Variants in DTWD2 observed in about 807,000 individuals in gnomAD.
DTWD2 encodes DTW motif tRNA-uridine aminocarboxypropyltransferase 2.
DTWD2 carries 39 observed loss-of-function variants against 31.8 expected under a neutral mutation model. That is an observed-to-expected ratio of 1.22 (90% confidence interval 0.95 to 1.60). The LOEUF is 1.60. DTWD2 is among the 40% of genes most tolerant of loss of function. DTWD2 has a pLI of 0.00. For synonymous variants in DTWD2, 180 were observed against 142.8 expected (o/e 1.26, Z -1.86); for missense variants, 515 against 381.5 (o/e 1.35, Z -2.92).
chr5:118,916,869 A>G (rs1753591207), intron 4 of DTWD2, among the ~76,000 whole-genome samples: 1 of 152,112 alleles, frequency 6.6e-6, no homozygotes, highest in South Asian at 2.1e-4. Context: ...TCGAGAGTCT[A>G]ATGTCACTAA....
chr5:118,937,396 A>C (rs966013868), intron 3 of DTWD2, among the ~76,000 whole-genome samples: 14 of 152,146 alleles, frequency 9.2e-5, no homozygotes, highest in African/African-American at 3.1e-4. Flanking sequence ...AAAAAAAAAA[A>C]AAACCATAAA....
At chr5:118,891,878 G>T (rs1013772283) in intron 4 of DTWD2, among the ~76,000 whole-genome samples, 1 of 151,910 alleles carries the variant, frequency 6.6e-6, no homozygotes, top group Non-Finnish European at 1.5e-5. Flanking sequence ...CAAACATCCA[G>T]AAAGAAAACC....
chr5:118,951,689 G>T (rs1157897751), intron 1 of DTWD2, among the ~76,000 whole-genome samples: 1 of 151,942 alleles, frequency 6.6e-6, no homozygotes, highest in Non-Finnish European at 1.5e-5. Context: ...GGCTAAGGGA[G>T]AAGAAGGAGG....
rs1263911726 is a variant in DTWD2 at position 118,906,725 on chromosome 5, G to C, written c.597+21812C>G. 2.0e-5 allele frequency among the ~76,000 whole-genome samples: 3 copies of C among 152,150 alleles called. 1 individual carries two copies. The highest frequency in any genetic ancestry group is 4.4e-5 in the Non-Finnish European group (3 of 68,020). ...AAGATTACCAAAGGGATAATCCCTT[G>C]ATAATCATTTAGGGAGCAACGGATA... On this transcript the variant is annotated intron_variant, in intron 4 of 5. Transcript: ENST00000510708.
intron 4 of DTWD2, among the ~76,000 whole-genome samples, chr5:118,854,622 A>C (rs1428379121): frequency 6.6e-6 from 1 of 152,098 alleles, no homozygotes. Context: ...TATTTGTCTA[A>C]TCACATACAC....
At chr5:118,901,036 T>A (rs952018245) in intron 4 of DTWD2, among the ~76,000 whole-genome samples, 1 of 151,786 alleles carries the variant, frequency 6.6e-6, no homozygotes, top group African/African-American at 2.4e-5. Context: ...CAAATATTTA[T>A]GTATTCACAT....
At chr5:118,973,668 T>C (rs1755050358) in intron 1 of DTWD2, 2 of 878,592 alleles carry the variant, frequency 2.3e-6, no homozygotes, top group Admixed American at 4.9e-5. Context: ...GCAGCCTCCT[T>C]GCTCGCCGCA....
chr5:118,850,793 C>G (rs1751982677), intron 4 of DTWD2, among the ~76,000 whole-genome samples: 1 of 152,120 alleles, frequency 6.6e-6, no homozygotes, highest in Admixed American at 6.6e-5. Flanking sequence ...TATCCAGAAT[C>G]TACAAGAAGC....
chr5:118,945,171 T>C (rs1160800097), intron 1 of DTWD2, among the ~76,000 whole-genome samples: 3 of 152,236 alleles, frequency 2.0e-5, no homozygotes, highest in Non-Finnish European at 2.9e-5. Flanking sequence ...AAATTATATT[T>C]GGCTAGAATT....
At chr5:118,856,344 T>C (rs1296828912) in intron 4 of DTWD2, among the ~76,000 whole-genome samples, 1 of 152,240 alleles carries the variant, frequency 6.6e-6, no homozygotes, top group African/African-American at 2.4e-5. Context: ...AGTGTATTTA[T>C]TTTATGTCTA....
chr5:118,877,967 C>T (rs527910724), intron 4 of DTWD2, among the ~76,000 whole-genome samples: 4 of 152,154 alleles, frequency 2.6e-5, no homozygotes, highest in Non-Finnish European at 5.9e-5. Context: ...AATAAAATAC[C>T]TAGGAATACA....
intron 1 of DTWD2, among the ~76,000 whole-genome samples, chr5:118,975,974 T>A (rs1477031385): frequency 6.6e-6 from 1 of 152,094 alleles, no homozygotes; most frequent in African/African-American, 2.4e-5. Flanking sequence ...TGCAAAAGAA[T>A]GGAAATCATA....
chr5:118,972,686 C>G (rs553670965), intron 1 of DTWD2, among the ~76,000 whole-genome samples: 1 of 152,078 alleles, frequency 6.6e-6, no homozygotes, highest in East Asian at 1.9e-4. Context: ...AAAAATTGCC[C>G]TCCAATATCC....
chr5:118,886,638 C>G (rs1206448609), intron 4 of DTWD2, among the ~76,000 whole-genome samples: 1 of 152,048 alleles, frequency 6.6e-6, no homozygotes, highest in Non-Finnish European at 1.5e-5. Flanking sequence ...ATTTAGGTGG[C>G]TAATGGAGAG....
At chr5:118,956,823 C>T (rs1313385459) in intron 1 of DTWD2, among the ~76,000 whole-genome samples, 1 of 152,128 alleles carries the variant, frequency 6.6e-6, no homozygotes, top group African/African-American at 2.4e-5. Context: ...CAAAAAGTTT[C>T]ATAGCTATTC....
chr5:118,857,576 A>G, intron 4 of DTWD2, among the ~76,000 whole-genome samples: 1 of 152,198 alleles, frequency 6.6e-6, no homozygotes, highest in East Asian at 1.9e-4. Context: ...ACTGTGAATT[A>G]TGCTTTCACT....
chr5:118,841,049 T>C lies in DTWD2; in HGVS notation c.765A>G (p.Gln255=), dbSNP rs770566928. 25 of 1,613,240 alleles carry C rather than the reference T, an allele frequency of 1.5e-5. No homozygotes were observed. The highest frequency in any genetic ancestry group is 1.1e-4 in the South Asian group (10 of 91,006). Residue 255 remains glutamine (Q), a synonymous_variant, in exon 6 of 6, where the codon CAA becomes CAG. Transcript: ENST00000510708. ...GGCGAATTTGGGCACCATGCTGAAG[T>C]TGAAAGGAGCATAAAGCTTGAAGAG... ...LRPLQALCSF[Q]LQHGAQIRLS...
chr5:118,864,622 T>A (rs900000829), intron 4 of DTWD2, among the ~76,000 whole-genome samples: 2 of 148,750 alleles, frequency 1.3e-5, no homozygotes, highest in African/African-American at 5.1e-5. Context: ...GCCCTATCTT[T>A]CTTTTTTTAT....
intron 4 of DTWD2, among the ~76,000 whole-genome samples, chr5:118,917,867 A>T (rs1261232777): frequency 2.0e-5 from 3 of 152,050 alleles, no homozygotes; most frequent in Non-Finnish European, 4.4e-5. Flanking sequence ...CAAGTGTCTG[A>T]GGCAGGAGAA....
Sources: allele counts gnomAD v4.1 joint callset (sites outside exome capture counted in the v4.1 genomes callset), GRCh38; gene constraint gnomAD v4.1.1; transcripts MANE v1.5; gene names NCBI Gene and HGNC (gene_info 2026-07-23, HGNC 2026-07-21).